The following DNAH3 variants were observed in gnomAD, a reference collection of about 807,000 sequenced individuals.
DNAH3 encodes the protein axonemal beta dynein heavy chain 3.
A neutral mutation model predicts 432.5 loss-of-function variants in DNAH3; 332 were observed. The ratio of observed to expected loss-of-function variants is 0.77; its 90% CI spans 0.70 to 0.84. The LOEUF is 0.84. Ranked by LOEUF, DNAH3 falls within the 40% of genes least tolerant of loss-of-function variation. The pLI is 0.00. For missense variants in DNAH3, 4,861 were observed against 5,114.0 expected (o/e 0.95, Z 1.51); for synonymous variants, 1,956 against 1,900.2 (o/e 1.03, Z -0.76).
intron 48 of DNAH3, among the ~76,000 whole-genome samples, chr16:20,984,029 G>GAAAAAAGAAAAAAAAAAAA (rs2086051499): frequency 4.5e-5 from 5 of 112,156 alleles, no homozygotes; most frequent in African/African-American, 1.7e-4. Flanking sequence ...CCTATATCCA[G>GAAAAAAGAAAAAAAAAAAA]AAAAAAAAAA....
chr16:21,154,133 G>C (rs143342442), intron 1 of DNAH3, among the ~76,000 whole-genome samples: 1,677 of 152,354 alleles, frequency 0.011, 39 homozygotes, highest in African/African-American at 0.038. Flanking sequence ...GCCAGGCGCG[G>C]TGGCCCATGC....
rs550627610 is a variant in DNAH3, at chr16:21,128,997, C to T, written c.1083-1185G>A. ...AGTTTTCTCCACTACGAGGGGTATC[C>T]TTTTAACACCTAAGTCAGATTCTAT... is the stretch of plus-strand genomic sequence containing the variant. On this transcript the variant is annotated intron_variant, in intron 7 of 61. Coordinates refer to ENST00000261383, the Ensembl canonical transcript of DNAH3. Among the ~76,000 whole-genome samples the T allele has an allele frequency of 2.0e-5, 3 of 152,228 alleles. No individual in the cohort carries two copies. The South Asian group carries it at 6.2e-4, about 32-fold the overall frequency.
At position 21,031,229 on chromosome 16, in the gene DNAH3, G is replaced by A. The variant is rs13332291; in HGVS notation, c.5255C>T (p.Thr1752Met). The change falls in exon 37 of 62, where the codon ACG becomes ATG. Residue 1752 changes from threonine (T) to methionine (M), a missense_variant. Physicochemically the swap from Thr to Met is moderately conservative, Grantham distance 81. Transcript: ENST00000261383. ...AAAGCACCCATACAGCTGCCCCATC[G>A]TGATAGCCTTGGGGTTGATGATCTT... 2,121 of 1,614,126 alleles carry A rather than the reference G, an allele frequency of 1.3e-3. 27 individuals are homozygous for A. The African/African-American group carries it at 0.023, about 17-fold the overall frequency.
At chr16:21,142,443 G>T (rs116684362) in intron 3 of DNAH3, among the ~76,000 whole-genome samples, 2,067 of 151,944 alleles carry the variant, frequency 0.014, 58 homozygotes, top group African/African-American at 0.048. Context: ...ATTTTTAAAA[G>T]AAATTTTATG....
chr16:21,007,711 T>C (rs1259082217), intron 41 of DNAH3, among the ~76,000 whole-genome samples: 1 of 152,264 alleles, frequency 6.6e-6, no homozygotes, highest in African/African-American at 2.4e-5. Flanking sequence ...ATTTTAATGA[T>C]GTTCAGTTTA....
chr16:20,955,194 A>G (rs2152596652), intron 54 of DNAH3, 137 bp from the exon 55 acceptor site: 1 of 794,818 alleles, frequency 1.3e-6, no homozygotes, highest in Non-Finnish European at 1.8e-6. Flanking sequence ...TATGAAAAAC[A>G]TTATTTTATT....
chr16:21,125,581 T>C (rs1477365881), intron 8 of DNAH3, among the ~76,000 whole-genome samples: 2 of 152,204 alleles, frequency 1.3e-5, no homozygotes, highest in East Asian at 3.8e-4. Flanking sequence ...AGGTTATTCT[T>C]CCATTGAGAA....
intron 36 of DNAH3, among the ~76,000 whole-genome samples, chr16:21,032,546 C>G (rs1448810884): frequency 6.6e-6 from 1 of 152,158 alleles, no homozygotes; most frequent in Non-Finnish European, 1.5e-5. Flanking sequence ...GGTGTTGTGG[C>G]TCATGCCTGT....
intron 9 of DNAH3, among the ~76,000 whole-genome samples, chr16:21,123,941 C>T (rs1358887939): frequency 1.3e-5 from 2 of 151,920 alleles, no homozygotes; most frequent in Non-Finnish European, 2.9e-5. Context: ...TACAGGCACA[C>T]ACCACCACAC....
exon 48 of DNAH3, chr16:20,985,681 A>C (rs1242189509): frequency 1.2e-6 from 2 of 1,613,904 alleles, no homozygotes; most frequent in Non-Finnish European, 1.7e-6. Context: ...GTTATCATCG[A>C]CTATCTTTCC....
intron 44 of DNAH3, among the ~76,000 whole-genome samples, chr16:20,988,524 C>T (rs2086335419): frequency 6.6e-6 from 1 of 152,226 alleles, no homozygotes; most frequent in African/African-American, 2.4e-5. Flanking sequence ...AAGAGATTCT[C>T]CAGCCTCAGC....
chr16:21,156,337 T>A (rs897726483), intron 1 of DNAH3, among the ~76,000 whole-genome samples: 1 of 152,030 alleles, frequency 6.6e-6, no homozygotes, highest in African/African-American at 2.4e-5. Context: ...GCTCAAGAGA[T>A]CCTCCTGCCT....
intron 24 of DNAH3, among the ~76,000 whole-genome samples, chr16:21,065,500 T>C (rs540324841): frequency 6.6e-6 from 1 of 152,300 alleles, no homozygotes; most frequent in South Asian, 2.1e-4. Context: ...GGAGTGGGTC[T>C]AGAACTAGAA....
At chr16:21,013,335 G>C (rs2087698245) in intron 41 of DNAH3, among the ~76,000 whole-genome samples, 2 of 151,732 alleles carry the variant, frequency 1.3e-5, no homozygotes, top group South Asian at 4.2e-4. Flanking sequence ...TTTGGGACCA[G>C]CACCAGCCCG....
At chr16:20,966,006 C>T (rs573062336) in intron 52 of DNAH3, among the ~76,000 whole-genome samples, 6 of 141,324 alleles carry the variant, frequency 4.2e-5, no homozygotes, top group Non-Finnish European at 9.0e-5. Context: ...AGCCACCATG[C>T]CCAGCCAATT....
intron 20 of DNAH3, among the ~76,000 whole-genome samples, chr16:21,077,040 T>G (rs758268815): frequency 2.0e-5 from 3 of 152,160 alleles, no homozygotes; most frequent in Non-Finnish European, 4.4e-5. Flanking sequence ...TCTCCAGATA[T>G]TTCCAAGTGT....
chr16:21,124,798 C>T (rs1164761469), intron 9 of DNAH3, among the ~76,000 whole-genome samples: 9 of 152,068 alleles, frequency 5.9e-5, no homozygotes, highest in African/African-American at 1.9e-4. Context: ...TACAGGCATC[C>T]GCCACCATGC....
chr16:21,007,695 TTTTTAA>T (rs1212310931), intron 41 of DNAH3, among the ~76,000 whole-genome samples: 1 of 152,202 alleles, frequency 6.6e-6, no homozygotes, highest in Admixed American at 6.5e-5. Flanking sequence ...AGCACGAAAG[TTTTTAA>T]TTTTAATGAT....
chr16:20,985,098 C>A, exon 48 of DNAH3: 1 of 1,613,732 alleles, frequency 6.2e-7, no homozygotes, highest in Non-Finnish European at 8.5e-7. Context: ...AGAAGTTATA[C>A]ATAGAAAGAG....
Sources: allele counts gnomAD v4.1 joint callset (sites outside exome capture counted in the v4.1 genomes callset), GRCh38; gene constraint gnomAD v4.1.1; transcripts MANE v1.5; gene names NCBI Gene and HGNC (gene_info 2026-07-23, HGNC 2026-07-21).